The following RGL1 variants were observed in gnomAD, a reference collection of about 807,000 sequenced individuals.
The protein encoded by RGL1 is ral guanine nucleotide dissociation stimulator-like 1.
RGL1 carries 24 observed loss-of-function variants against 95.2 expected under a neutral mutation model. The ratio of observed to expected loss-of-function variants is 0.25; its 90% CI spans 0.18 to 0.35. RGL1 has a LOEUF of 0.35. Ranked by LOEUF, RGL1 falls within the 10% of genes least tolerant of loss-of-function variation. RGL1 has a pLI of 1.00. For synonymous variants in RGL1, 329 were observed against 344.9 expected, an observed-to-expected ratio of 0.95 and a Z score of 0.51; for missense variants, 715 against 936.3, an observed-to-expected ratio of 0.76 and a Z score of 3.08.
Position 183,926,209 on chromosome 1 carries a change from C to T in RGL1, c.2224C>T (p.Leu742=). 1 of 1,614,042 alleles carries T rather than the reference C, an allele frequency of 6.2e-7. No homozygotes were observed. The highest frequency in any genetic ancestry group is 8.5e-7 in the Non-Finnish European group (1 of 1,179,948). The stretch of plus-strand genomic sequence containing the variant: ...GAACTCCATGGAAGAACAAGTGAAA[C>T]TGCGTAGCCGGACCAGCTTGACGTT... ...KKNSMEEQVK[L]RSRTSLTLPR... Residue 742 remains leucine, a synonymous_variant, in exon 18 of 18, where the codon CTG becomes TTG. Coordinates refer to ENST00000360851, the MANE Select transcript of RGL1 (RefSeq NM_001297671.3).
chr1:183,883,731 A>G (rs1666951193), intron 5 of RGL1, 55 bp from the exon 6 acceptor site: 33 of 1,600,372 alleles, frequency 2.1e-5, no homozygotes, highest in Non-Finnish European at 2.6e-5. Context: ...ATGACTCTAT[A>G]AGCAAGATTA....
intron 1 of RGL1, among the ~76,000 whole-genome samples, chr1:183,701,446 G>A (rs932851951): frequency 6.6e-6 from 1 of 152,140 alleles, no homozygotes; most frequent in African/African-American, 2.4e-5. Flanking sequence ...GAATGGAGAG[G>A]TAGAGTAGGA....
chr1:183,639,273 A>G (rs1425522303), intron 1 of RGL1, among the ~76,000 whole-genome samples: 2 of 147,866 alleles, frequency 1.4e-5, no homozygotes, highest in Non-Finnish European at 3.0e-5. Context: ...AGAGCAAGAC[A>G]CTTCATCTCA....
At chr1:183,924,800 A>AAAAAAATAC (rs1669521594) in intron 17 of RGL1, among the ~76,000 whole-genome samples, 1 of 58,364 alleles carries the variant, frequency 1.7e-5, no homozygotes, top group African/African-American at 1.3e-4. Flanking sequence ...AAAAAAATAC[A>AAAAAAATAC]AAAAAAAAAA....
intron 1 of RGL1, among the ~76,000 whole-genome samples, chr1:183,704,273 A>G (rs549603838): frequency 2.6e-5 from 4 of 152,130 alleles, no homozygotes; most frequent in Non-Finnish European, 5.9e-5. Context: ...GTATGACAGG[A>G]GTGTTTTTTG....
chr1:183,648,797 C>T (rs753574253), intron 1 of RGL1: 1 of 1,548,422 alleles, frequency 6.5e-7, no homozygotes. Flanking sequence ...GATTTACTGT[C>T]TTCTAGCTGC....
intron 2 of RGL1, among the ~76,000 whole-genome samples, chr1:183,836,433 A>AT (rs1189535784): frequency 4.9e-5 from 7 of 142,634 alleles, no homozygotes; most frequent in Admixed American, 2.8e-4. Flanking sequence ...TTTTTTTTGT[A>AT]TTTTTTTGTA....
At chr1:183,721,150 A>G (rs1192949968) in intron 1 of RGL1, among the ~76,000 whole-genome samples, 1 of 152,154 alleles carries the variant, frequency 6.6e-6, no homozygotes, top group East Asian at 1.9e-4. Context: ...TTATCTGGAA[A>G]AACCACAGGC....
intron 6 of RGL1, among the ~76,000 whole-genome samples, chr1:183,884,231 C>T (rs1282146274): frequency 1.3e-5 from 2 of 152,174 alleles, no homozygotes; most frequent in African/African-American, 4.8e-5. Context: ...ATAAATATTT[C>T]AAGATCTGAA....
intron 1 of RGL1, among the ~76,000 whole-genome samples, chr1:183,702,224 T>C (rs1654638133): frequency 6.6e-6 from 1 of 152,122 alleles, no homozygotes; most frequent in Non-Finnish European, 1.5e-5. Flanking sequence ...TTCTGGACCC[T>C]AGTGAACAGT....
chr1:183,686,997 C>T (rs1308390313), intron 1 of RGL1, among the ~76,000 whole-genome samples: 2 of 152,186 alleles, frequency 1.3e-5, no homozygotes, highest in Non-Finnish European at 2.9e-5. Context: ...TTTTTCTCTT[C>T]TTCAAGCGTG....
intron 1 of RGL1, among the ~76,000 whole-genome samples, chr1:183,698,774 T>G (rs1361959585): frequency 6.6e-6 from 1 of 152,260 alleles, no homozygotes; most frequent in Non-Finnish European, 1.5e-5. Context: ...TTGAATACTT[T>G]TTTTCAATTG....
At chr1:183,818,717 C>T (rs557344755) in intron 2 of RGL1, among the ~76,000 whole-genome samples, 109 of 152,248 alleles carry the variant, frequency 7.2e-4, no homozygotes, top group African/African-American at 2.5e-3. Context: ...ACTTAGTGAG[C>T]ATCTTATAAA....
At chr1:183,697,643 G>C (rs1421601905) in intron 1 of RGL1, among the ~76,000 whole-genome samples, 3 of 152,200 alleles carry the variant, frequency 2.0e-5, no homozygotes, top group Non-Finnish European at 4.4e-5. Context: ...AGATACCTCA[G>C]TGCCCACTCC....
At chr1:183,742,274 T>G in exon 2 of RGL1, 1 of 1,613,980 alleles carries the variant, frequency 6.2e-7, no homozygotes. Context: ...TATGGGAAGT[T>G]TTAAAGACAG....
At chr1:183,664,813 G>C (rs1012676294) in intron 1 of RGL1, among the ~76,000 whole-genome samples, 8 of 151,980 alleles carry the variant, frequency 5.3e-5, no homozygotes, top group African/African-American at 1.9e-4. Context: ...TGTCTACATA[G>C]ATGATCATGT....
intron 1 of RGL1, among the ~76,000 whole-genome samples, chr1:183,676,961 C>A (rs1357823242): frequency 7.3e-5 from 11 of 151,378 alleles, no homozygotes; most frequent in Admixed American, 6.6e-5. Context: ...AAGCACTTAG[C>A]AATCCCAAAT....
intron 2 of RGL1, among the ~76,000 whole-genome samples, chr1:183,779,103 C>A (rs1659747680): frequency 6.6e-6 from 1 of 152,088 alleles, no homozygotes; most frequent in Admixed American, 6.5e-5. Context: ...AGCTGTGTAG[C>A]TGTTCATTAG....
intron 5 of RGL1, among the ~76,000 whole-genome samples, chr1:183,882,877 G>A (rs954273249): frequency 3.3e-5 from 5 of 152,214 alleles, no homozygotes; most frequent in African/African-American, 2.4e-5. Context: ...TGGGGGAGTA[G>A]TAACATGCTG....
Sources: allele counts gnomAD v4.1 joint callset (sites outside exome capture counted in the v4.1 genomes callset), GRCh38; gene constraint gnomAD v4.1.1; transcripts MANE v1.5; gene names NCBI Gene and HGNC (gene_info 2026-07-23, HGNC 2026-07-21).